Variants in RALGPS1 observed in about 807,000 individuals in gnomAD.
The protein encoded by RALGPS1 is Ral GEF with PH domain and SH3 binding motif 1, also known as ras-specific guanine nucleotide-releasing factor RalGPS1.
RALGPS1 carries 19 observed loss-of-function variants against 78.8 expected under a neutral mutation model. That is an observed-to-expected ratio of 0.24 (90% CI 0.17 to 0.35). The LOEUF (loss-of-function observed/expected upper bound fraction) is 0.35, where lower values mean the gene tolerates loss of function less well. Among genes scored for constraint, RALGPS1 ranks in the 10% least tolerant of loss-of-function variants. The pLI, the probability that RALGPS1 is intolerant of heterozygous loss-of-function variation, is 1.00. For missense variants in RALGPS1, 454 were observed against 688.3 expected, an observed-to-expected ratio of 0.66 and a Z score of 3.81; for synonymous variants, 228 against 256.3, an observed-to-expected ratio of 0.89 and a Z score of 1.06.
intron 8 of RALGPS1, among the ~76,000 whole-genome samples, chr9:127,081,775 G>T (rs374274046): frequency 6.6e-6 from 1 of 152,210 alleles, no homozygotes; most frequent in African/African-American, 2.4e-5. Flanking sequence ...AACATTCCTT[G>T]ACCAGCCCTT....
intron 5 of RALGPS1, among the ~76,000 whole-genome samples, chr9:127,036,682 A>G (rs766473386): frequency 2.0e-5 from 3 of 152,294 alleles, no homozygotes; most frequent in Non-Finnish European, 4.4e-5. Flanking sequence ...GGATTTGCTC[A>G]TAGAGTGGCT....
intron 11 of RALGPS1, chr9:127,178,610 C>T (rs2060024052): frequency 4.0e-6 from 2 of 504,512 alleles, no homozygotes; most frequent in Non-Finnish European, 5.1e-6. Flanking sequence ...ATCACCCCCA[C>T]CCCCAATCAG....
At chr9:127,128,626 C>T (rs1281991600) in intron 8 of RALGPS1, among the ~76,000 whole-genome samples, 1 of 152,192 alleles carries the variant, frequency 6.6e-6, no homozygotes, top group African/African-American at 2.4e-5. Context: ...TCCATCAGTC[C>T]AGATTTAATA....
chr9:127,133,072 A>G (rs897268368), intron 8 of RALGPS1, among the ~76,000 whole-genome samples: 6 of 152,238 alleles, frequency 3.9e-5, no homozygotes, highest in Admixed American at 3.9e-4. Flanking sequence ...ACCATTGAGG[A>G]CATGTACATG....
At chr9:126,929,631 AT>A (rs200423368) in intron 1 of RALGPS1, among the ~76,000 whole-genome samples, 7 of 148,998 alleles carry the variant, frequency 4.7e-5, no homozygotes, top group Non-Finnish European at 7.4e-5. Flanking sequence ...TTGTATTATT[AT>A]TTTTTTTTTT....
rs536090876 is a variant in RALGPS1, at chr9:127,139,736, C to G, written c.611-26333C>G. 1.1e-4 allele frequency among the ~76,000 whole-genome samples: 16 copies of G among 152,366 alleles called. No individual in the cohort carries two copies. In the South Asian group the frequency reaches 3.1e-3, roughly 30 times the overall value. On this transcript the variant is annotated intron_variant, in intron 8 of 18. Coordinates refer to ENST00000259351, the MANE Select transcript of RALGPS1 (RefSeq NM_014636.3). ...TGCCTCGGCCTCCATGTAGGTAGAACAGCTGCTGAGAGGAGTCAGTGAGGT... is the reference window on the plus strand; with the variant it reads ...TGCCTCGGCCTCCATGTAGGTAGAAGAGCTGCTGAGAGGAGTCAGTGAGGT...
intron 5 of RALGPS1, 135 bp downstream of exon 5, chr9:127,034,649 A>G: frequency 1.4e-6 from 1 of 723,682 alleles, no homozygotes; most frequent in South Asian, 1.6e-5. Flanking sequence ...TGAGTCCCCC[A>G]CCTTTATCCA....
chr9:127,182,876 G>C (rs976467084), intron 11 of RALGPS1, among the ~76,000 whole-genome samples: 5 of 152,158 alleles, frequency 3.3e-5, no homozygotes, highest in Non-Finnish European at 7.3e-5. Context: ...CTGAGGCTGA[G>C]TAATTTATTT....
chr9:127,063,229 T>C (rs1285948704), intron 7 of RALGPS1, among the ~76,000 whole-genome samples: 3 of 152,224 alleles, frequency 2.0e-5, no homozygotes, highest in African/African-American at 4.8e-5. Context: ...AGTGGTGGTA[T>C]GATCAGTCAA....
At chr9:126,986,242 C>T (rs1264561368) in intron 4 of RALGPS1, among the ~76,000 whole-genome samples, 2 of 152,134 alleles carry the variant, frequency 1.3e-5, no homozygotes, top group African/African-American at 4.8e-5. Context: ...AAATATGGAA[C>T]CATAACTGCC....
chr9:127,052,705 A>G, intron 6 of RALGPS1, 142 bp from the exon 7 acceptor site: 1 of 628,196 alleles, frequency 1.6e-6, no homozygotes, highest in South Asian at 2.0e-5. Context: ...GGTTTCTATG[A>G]AATCCTTAGA....
intron 6 of RALGPS1, among the ~76,000 whole-genome samples, chr9:127,052,115 T>C (rs1189432910): frequency 1.3e-5 from 2 of 152,152 alleles, no homozygotes; most frequent in African/African-American, 2.4e-5. Flanking sequence ...GACACACAAG[T>C]AGTGGGAGCT....
chr9:127,055,943 G>A (rs1451039492), intron 7 of RALGPS1, among the ~76,000 whole-genome samples: 1 of 152,232 alleles, frequency 6.6e-6, no homozygotes, highest in Non-Finnish European at 1.5e-5. Context: ...GCAGCAGAAA[G>A]AGCAGTCAGA....
At chr9:127,184,107 C>G in intron 11 of RALGPS1, 1 of 1,498,704 alleles carries the variant, frequency 6.7e-7, no homozygotes. Flanking sequence ...AGGAGGATCA[C>G]TTGAGCCCAG....
intron 4 of RALGPS1, among the ~76,000 whole-genome samples, chr9:126,989,212 G>T (rs181460520): frequency 1.4e-3 from 214 of 152,310 alleles, no homozygotes; most frequent in African/African-American, 4.9e-3. Context: ...CAGAGTTCAG[G>T]GTCTTTGAGG....
intron 2 of RALGPS1, 91 bp downstream of exon 2, chr9:126,962,437 A>T: frequency 1.5e-6 from 2 of 1,329,542 alleles, no homozygotes; most frequent in Non-Finnish European, 2.1e-6. Context: ...GCGAGGCAGT[A>T]GGGCTCTGTG....
chr9:127,155,554 C>T (rs528079395), intron 8 of RALGPS1, among the ~76,000 whole-genome samples: 70 of 152,304 alleles, frequency 4.6e-4, no homozygotes, highest in African/African-American at 1.4e-3. Flanking sequence ...GGGCAGAGCC[C>T]AGAAACCTTG....
intron 8 of RALGPS1, among the ~76,000 whole-genome samples, chr9:127,144,655 A>G (rs1315060907): frequency 2.0e-5 from 3 of 152,250 alleles, no homozygotes; most frequent in Non-Finnish European, 4.4e-5. Context: ...CATACAGTGG[A>G]ATACCATTCA....
chr9:127,179,035 C>T (rs766763751), intron 11 of RALGPS1, among the ~76,000 whole-genome samples: 4 of 152,204 alleles, frequency 2.6e-5, no homozygotes, highest in Non-Finnish European at 4.4e-5. Context: ...CTTACAGGGT[C>T]CTGTAGGCAC....
Sources: gnomAD v4.1 joint callset for allele counts (sites outside exome capture counted in the v4.1 genomes callset) on GRCh38, gnomAD v4.1.1 for gene constraint, MANE v1.5 for transcripts, NCBI Gene and HGNC (gene_info 2026-07-23, HGNC 2026-07-21) for gene names.